The following JAK2 variants were observed in gnomAD, a reference collection of about 807,000 sequenced individuals.
The protein encoded by JAK2 is tyrosine-protein kinase JAK2.
A neutral mutation model predicts 139.3 loss-of-function variants in JAK2; 86 were observed. The observed-to-expected ratio is 0.62, with a 90% CI of 0.52 to 0.74. The LOEUF (loss-of-function observed/expected upper bound fraction) is 0.74. Ranked by LOEUF, JAK2 falls within the 30% of genes least tolerant of loss-of-function variation. The pLI, the probability that JAK2 is intolerant of heterozygous loss-of-function variation, is 0.00. For missense variants in JAK2, 1,421 were observed against 1,360.3 expected (o/e 1.04, Z -0.70); for synonymous variants, 490 against 437.7 (o/e 1.12, Z -1.49).
At chr9:5,088,489 T>C (rs1490663159) in intron 19 of JAK2, among the ~76,000 whole-genome samples, 1 of 152,192 alleles carries the variant, frequency 6.6e-6, no homozygotes, top group African/African-American at 2.4e-5. Context: ...TTACCAATTC[T>C]ATGTACTTAA....
chr9:5,069,836 C>T lies in JAK2; in HGVS notation c.1514-89C>T, dbSNP rs41303645. 3,669 of 744,120 alleles carry T rather than the reference C, an allele frequency of 4.9e-3. 19 individuals carry two copies. The highest frequency in any genetic ancestry group is 6.1e-3 in the Non-Finnish European group (3,022 of 494,404). The allele number at this position is 744,120 out of a possible 1,614,324, so 46.1% of individuals were successfully genotyped here. ...TAGGAGTTATTAAGCATTTCTTATA[C>T]GTAGAACACATTTCATTTTACTCCT... is the stretch of plus-strand genomic sequence containing the variant. On this transcript the variant is annotated intron_variant, in intron 11 of 24. Coordinates refer to ENST00000381652, the MANE Select transcript of JAK2 (RefSeq NM_004972.4).
chr9:4,996,395 C>G (rs1461487683), intron 2 of JAK2, among the ~76,000 whole-genome samples: 2 of 151,982 alleles, frequency 1.3e-5, no homozygotes, highest in African/African-American at 2.4e-5. Flanking sequence ...TTGCAGTGAG[C>G]TGAGATCGTG....
chr9:5,087,470 T>C (rs1023073924), intron 19 of JAK2, among the ~76,000 whole-genome samples: 1 of 114,948 alleles, frequency 8.7e-6, no homozygotes, highest in African/African-American at 5.8e-5. Flanking sequence ...TGCCAAACCA[T>C]ATCACTCCCT....
At chr9:5,114,985 A>G (rs1467960147) in intron 22 of JAK2, among the ~76,000 whole-genome samples, 2 of 152,336 alleles carry the variant, frequency 1.3e-5, no homozygotes, top group Middle Eastern at 3.4e-3. Flanking sequence ...AACCTAGGCA[A>G]TACCATTCAG....
rs1817625189 is a variant in JAK2 at position 5,054,438 on chromosome 9, T to G, written c.615-125T>G. The G allele has an allele frequency of 5.6e-6, 4 of 712,326 alleles. No individual in the cohort carries two copies. The highest frequency in any genetic ancestry group is 5.4e-5 in the African/African-American group (3 of 55,992). The allele number at this position is 712,326 out of a possible 1,614,324, so 44.1% of individuals were successfully genotyped here. On this transcript the variant is annotated intron_variant, in intron 6 of 24. Coordinates refer to ENST00000381652, the MANE Select transcript of JAK2 (RefSeq NM_004972.4). This position sits in a 1 kb window ranked among gnomAD's most constrained non-coding sequence, Gnocchi z 4.9. ...TGGGGGTTATGTCAACTTACGCCAC[T>G]TGGCCACTGTGTTGTAAGGCCTACT...
At chr9:5,103,860 T>C (rs1821731397) in intron 22 of JAK2, among the ~76,000 whole-genome samples, 1 of 152,130 alleles carries the variant, frequency 6.6e-6, no homozygotes, top group South Asian at 2.1e-4. Flanking sequence ...AGATGTTCTT[T>C]GAAACCAACG....
intron 22 of JAK2, 123 bp downstream of exon 22, chr9:5,091,034 CTTACAT>C: frequency 1.3e-6 from 1 of 744,566 alleles, no homozygotes; most frequent in Non-Finnish European, 2.1e-6. Context: ...TCTTTTAAGT[CTTACAT>C]TTAACTTTTT....
In JAK2 at chr9:5,069,975, A is replaced by G; in HGVS notation, c.1564A>G (p.Thr522Ala). ...AACGAATGGTGTTTCTGATGTACCA[A>G]CCTCACCAACATTACAGAGGCCTAC... ...FRTNGVSDVP[T>A]SPTLQRPTHM... The change falls in exon 12 of 25, where the codon ACC becomes GCC. Residue 522 changes from threonine (T) to alanine (A), a missense_variant. By Grantham distance (58) the Thr-to-Ala change is moderately conservative (BLOSUM62 0). Transcript: ENST00000381652. 6.2e-7 allele frequency: 1 copy of G among 1,608,144 alleles called. No individual in the cohort carries two copies. Among genetic ancestry groups the G allele is most frequent in the South Asian group, 1.1e-5 (1 of 90,630 alleles).
At chr9:5,026,522 A>G (rs769788472) in intron 3 of JAK2, among the ~76,000 whole-genome samples, 2 of 152,222 alleles carry the variant, frequency 1.3e-5, no homozygotes, top group African/African-American at 2.4e-5. Context: ...GAAAATAGTG[A>G]AAACATAACT....
At chr9:5,096,363 G>T (rs561612354) in intron 22 of JAK2, among the ~76,000 whole-genome samples, 1 of 152,108 alleles carries the variant, frequency 6.6e-6, no homozygotes, top group Non-Finnish European at 1.5e-5. Flanking sequence ...ACTCTATTCT[G>T]CATCAGTTGA....
rs200282557 is a variant in JAK2, at chr9:5,089,798, T to C, written c.2696T>C (p.Ile899Thr). ...EEHLRDFERE[I>T]EILKSLQHDN... ...CACCTAAGAGACTTTGAAAGGGAAA[T>C]TGAAATCCTGAAATCCCTACAGCAT... The change falls in exon 20 of 25, where the codon ATT (isoleucine) becomes ACT (threonine). Residue 899 changes from isoleucine (I) to threonine (T), a missense_variant. Physicochemically the swap from Ile to Thr is moderately conservative, Grantham distance 89. Coordinates refer to ENST00000381652, the MANE Select transcript of JAK2 (RefSeq NM_004972.4). 170 of 1,598,380 alleles carry C rather than the reference T, an allele frequency of 1.1e-4. No homozygotes were observed. Among genetic ancestry groups the C allele is most frequent in the Admixed American group, 4.3e-4 (25 of 57,998 alleles).
chr9:5,121,109 A>G (rs1823586420), intron 22 of JAK2, among the ~76,000 whole-genome samples: 1 of 152,194 alleles, frequency 6.6e-6, no homozygotes, highest in South Asian at 2.1e-4. Context: ...GAGGCAGAAT[A>G]GTAGTAGTAG....
At chr9:5,003,087 C>G (rs1436085731) in intron 2 of JAK2, among the ~76,000 whole-genome samples, 1 of 151,832 alleles carries the variant, frequency 6.6e-6, no homozygotes, top group Non-Finnish European at 1.5e-5. Flanking sequence ...TTCCATTTGT[C>G]TATTTGTTCA....
chr9:4,996,892 G>A (rs938821705), intron 2 of JAK2, among the ~76,000 whole-genome samples: 2 of 151,134 alleles, frequency 1.3e-5, no homozygotes, highest in African/African-American at 2.4e-5. Context: ...TCTTCATGGT[G>A]GGAGTTCTCT....
chr9:5,080,892 C>CTTTTTTTTTTTTTTTTTTT (rs33925764), intron 18 of JAK2, among the ~76,000 whole-genome samples: 1 of 95,616 alleles, frequency 1.0e-5, no homozygotes. Flanking sequence ...AAGACCTTTT[C>CTTTTTTTTTTTTTTTTTTT]TTTTTTTTTT....
At chr9:5,015,065 C>T (rs1015223812) in intron 2 of JAK2, among the ~76,000 whole-genome samples, 2 of 152,092 alleles carry the variant, frequency 1.3e-5, no homozygotes, top group African/African-American at 4.8e-5. Context: ...ACTGCTTTTG[C>T]AACATTGTAT....
At position 5,090,582 on chromosome 9, in the gene JAK2, C is replaced by A; in HGVS notation, c.2886+12C>A. 1.3e-6 allele frequency: 2 copies of A among 1,557,414 alleles called. No individual in the cohort carries two copies. Among genetic ancestry groups the A allele is most frequent in the South Asian group, 1.2e-5 (1 of 80,206 alleles). On this transcript the variant is annotated intron_variant, in intron 21 of 24. Transcript: ENST00000381652. ...CTCAGATATGCAAGGTAACTAATATCCTGATTATTTGCTGTAGATGAAGCA... is the reference window on the plus strand; with the variant it reads ...CTCAGATATGCAAGGTAACTAATATACTGATTATTTGCTGTAGATGAAGCA...
intron 22 of JAK2, among the ~76,000 whole-genome samples, chr9:5,102,162 C>G (rs1437842121): frequency 1.3e-5 from 2 of 152,116 alleles, no homozygotes; most frequent in African/African-American, 4.8e-5. Context: ...AGACCAATGG[C>G]TAACTACAAT....
chr9:5,107,237 T>G (rs929130446), intron 22 of JAK2, among the ~76,000 whole-genome samples: 1 of 152,134 alleles, frequency 6.6e-6, no homozygotes, highest in African/African-American at 2.4e-5. Flanking sequence ...AACCTGACAC[T>G]AGCCTTAGTA....
Sources: gnomAD v4.1 joint callset for allele counts (sites outside exome capture counted in the v4.1 genomes callset) on GRCh38, gnomAD v4.1.1 for gene constraint, Gnocchi (gnomAD v3.1) non-coding constraint, MANE v1.5 for transcripts, NCBI Gene and HGNC (gene_info 2026-07-23, HGNC 2026-07-21) for gene names.